The following RNF34 variants were observed in gnomAD, a reference collection of about 807,000 sequenced individuals.
The protein encoded by RNF34 is ring finger protein 34, also known as E3 ubiquitin-protein ligase RNF34.
A neutral mutation model predicts 37.9 loss-of-function variants in RNF34; 12 were observed. The ratio of observed to expected loss-of-function variants is 0.32; its 90% CI spans 0.20 to 0.51. The LOEUF (loss-of-function observed/expected upper bound fraction) is 0.51, where lower values mean the gene tolerates loss of function less well. Among genes scored for constraint, RNF34 ranks in the 20% least tolerant of loss-of-function variants. The pLI is 0.97. For missense variants in RNF34, 362 were observed against 472.7 expected (o/e 0.77, Z 2.17); for synonymous variants, 155 against 177.2 (o/e 0.87, Z 1.00).
chr12:121,412,873 T>C (rs1163304143), intron 1 of RNF34, among the ~76,000 whole-genome samples: 5 of 151,120 alleles, frequency 3.3e-5, no homozygotes, highest in Non-Finnish European at 7.4e-5. Flanking sequence ...TACAGGTGCC[T>C]GGGCCAGCTA....
chr12:121,407,431 G>A (rs1367930522), intron 1 of RNF34, among the ~76,000 whole-genome samples: 1 of 152,218 alleles, frequency 6.6e-6, no homozygotes, highest in East Asian at 1.9e-4. Flanking sequence ...AGAAGCCAGA[G>A]GTGGGGGTAT....
Position 121,420,744 on chromosome 12 carries a change from G to C in RNF34, c.894G>C (p.Arg298=), listed in dbSNP as rs143217753. Residue 298 remains arginine, a synonymous_variant, in exon 5 of 6, where the codon CGG becomes CGC. Coordinates refer to ENST00000361234, the MANE Select transcript of RNF34 (RefSeq NM_025126.4). ...GGGAACTGGTAGAGAAAGTAAACCG[G>C]TTATACAAAGAGAATGAAGAAAACC... The part of the protein sequence containing the change: ...EKWELVEKVN[R]LYKENEENQK... 1.9e-6 allele frequency: 3 copies of C among 1,613,840 alleles called. No homozygotes were observed. Among genetic ancestry groups the C allele is most frequent in the Admixed American group, 3.3e-5 (2 of 59,998 alleles).
At chr12:121,422,166 GGTT>G (rs1453286149) in intron 5 of RNF34, among the ~76,000 whole-genome samples, 2 of 152,124 alleles carry the variant, frequency 1.3e-5, no homozygotes, top group Non-Finnish European at 2.9e-5. Flanking sequence ...GATATAACAT[GGTT>G]GTTATTATGA....
At chr12:121,400,518 G>C (rs1021850809) in intron 1 of RNF34, among the ~76,000 whole-genome samples, 4 of 152,206 alleles carry the variant, frequency 2.6e-5, no homozygotes, top group Admixed American at 6.5e-5. Context: ...GCGCCTCCTC[G>C]GGGGCCTGAG....
intron 1 of RNF34, chr12:121,402,867 T>TAG: frequency 1.6e-6 from 2 of 1,232,466 alleles, no homozygotes; most frequent in South Asian, 2.5e-5. Context: ...GCCAATGTCT[T>TAG]GTCTAAAAGT....
intron 1 of RNF34, among the ~76,000 whole-genome samples, chr12:121,408,433 ACT>A (rs1351575156): frequency 6.6e-6 from 1 of 150,392 alleles, no homozygotes; most frequent in South Asian, 2.1e-4. Flanking sequence ...CAAGAGTGAA[ACT>A]CTGTCTAAAA....
chr12:121,401,986 C>T (rs1252047063), intron 1 of RNF34, among the ~76,000 whole-genome samples: 2 of 152,158 alleles, frequency 1.3e-5, no homozygotes, highest in Non-Finnish European at 2.9e-5. Context: ...TATTATTTAA[C>T]TTAATGTTGA....
At position 121,423,297 on chromosome 12, in the gene RNF34, G is replaced by T. The variant is rs1163055969; in HGVS notation, c.929-89G>T. ...GCATTGGGCCTGCAGGGGTCATTCA[G>T]CAGGTGGCTGCTCAGCTTCGGACTG... On this transcript the variant is annotated intron_variant, in intron 5 of 5. Coordinates refer to ENST00000361234, the MANE Select transcript of RNF34 (RefSeq NM_025126.4). The surrounding 1 kb of genome is among the most constrained non-coding windows in gnomAD (Gnocchi z 4.3). The T allele has an allele frequency of 2.0e-6, 2 of 1,002,456 alleles. No homozygotes were observed. Among genetic ancestry groups the T allele is most frequent in the South Asian group, 3.2e-5 (2 of 62,472 alleles). The allele number at this position is 1,002,456 out of a possible 1,614,324, so 62.1% of individuals were successfully genotyped here.
At chr12:121,400,756 A>G (rs1869907211) in intron 1 of RNF34, among the ~76,000 whole-genome samples, 1 of 152,156 alleles carries the variant, frequency 6.6e-6, no homozygotes, top group Non-Finnish European at 1.5e-5. Context: ...CGGGGCCGCG[A>G]ACTAGAGAAG....
At chr12:121,415,483 G>A (rs1416746222) in intron 1 of RNF34, among the ~76,000 whole-genome samples, 1 of 152,030 alleles carries the variant, frequency 6.6e-6, no homozygotes, top group African/African-American at 2.4e-5. Flanking sequence ...CAAGTGTGTG[G>A]CGTGTGCCTG....
At position 121,412,725 on chromosome 12, in the gene RNF34, T is replaced by C. The variant is rs565102518; in HGVS notation, c.7-3434T>C. Among the ~76,000 whole-genome samples the C allele has an allele frequency of 9.6e-4, 118 of 122,460 alleles. 1 individual carries two copies. The highest frequency in any genetic ancestry group is 1.9e-3 in the Admixed American group (24 of 12,970). The allele number at this position is 122,460 out of a possible 152,430, so 80.3% of individuals were successfully genotyped here. On this transcript the variant is annotated intron_variant, in intron 1 of 5. Coordinates refer to ENST00000361234, the MANE Select transcript of RNF34 (RefSeq NM_025126.4). ...TCTTAGTGAATCTAGATGTTCATGC[T>C]TTTTTTTTTTTTTTTTTGAGATGGA...
chr12:121,406,474 A>G (rs1482780753), intron 1 of RNF34, among the ~76,000 whole-genome samples: 7 of 152,084 alleles, frequency 4.6e-5, no homozygotes, highest in African/African-American at 1.4e-4. Flanking sequence ...TTCAGTAGAG[A>G]TGGCGTTTCA....
chr12:121,414,783 G>A (rs910101615), intron 1 of RNF34, among the ~76,000 whole-genome samples: 6 of 150,682 alleles, frequency 4.0e-5, no homozygotes, highest in Admixed American at 6.6e-5. Context: ...AGCAATTCTC[G>A]TGCCTTTGGC....
intron 1 of RNF34, chr12:121,404,944 G>A (rs1421053384): frequency 2.0e-5 from 3 of 152,294 alleles, no homozygotes; most frequent in Non-Finnish European, 2.9e-5. Context: ...CAGAAAGAGA[G>A]CTGGGCTGCT....
intron 1 of RNF34, among the ~76,000 whole-genome samples, chr12:121,411,035 A>G (rs1263165659): frequency 6.6e-6 from 1 of 152,140 alleles, no homozygotes; most frequent in Non-Finnish European, 1.5e-5. Context: ...CCCAGGCTCA[A>G]GAGATCCTTT....
chr12:121,420,920 C>A, intron 5 of RNF34, 142 bp downstream of exon 5: 1 of 648,848 alleles, frequency 1.5e-6, no homozygotes, highest in Non-Finnish European at 2.7e-6. Flanking sequence ...TTACATGAGC[C>A]TGTTTATAGA....
At chr12:121,419,734 TAGCCTC>T (rs1871942187) in intron 3 of RNF34, among the ~76,000 whole-genome samples, 1 of 152,202 alleles carries the variant, frequency 6.6e-6, no homozygotes, top group African/African-American at 2.4e-5. Flanking sequence ...AAACTAGAAT[TAGCCTC>T]AGCCATCAGT....
rs1220055355 is a variant in RNF34, at chr12:121,423,355, G to A, written c.929-31G>A. 10 of 1,550,056 alleles carry A rather than the reference G, an allele frequency of 6.5e-6. No individual in the cohort carries two copies. Among genetic ancestry groups the A allele is most frequent in the Non-Finnish European group, 8.7e-6 (10 of 1,143,248 alleles). On this transcript the variant is annotated intron_variant, in intron 5 of 5. Coordinates refer to ENST00000361234, the MANE Select transcript of RNF34 (RefSeq NM_025126.4). The surrounding 1 kb of genome is among the most constrained non-coding windows in gnomAD (Gnocchi z 4.3). The stretch of plus-strand genomic sequence containing the variant: ...GGCTGGCTGACTGGCCATGCCTGAA[G>A]CCGAGGCCTTAGCTCTCTGTTGCCT...
intron 1 of RNF34, among the ~76,000 whole-genome samples, chr12:121,408,130 ACCCCGTCTCT>A: frequency 6.6e-6 from 1 of 152,062 alleles, no homozygotes; most frequent in Middle Eastern, 3.4e-3. Flanking sequence ...GCATATCAAG[ACCCCGTCTCT>A]AAAAAAATAA....
Sources: gnomAD v4.1 joint callset for allele counts (sites outside exome capture counted in the v4.1 genomes callset) on GRCh38, gnomAD v4.1.1 for gene constraint, Gnocchi (gnomAD v3.1) non-coding constraint, MANE v1.5 for transcripts, NCBI Gene and HGNC (gene_info 2026-07-23, HGNC 2026-07-21) for gene names.